The following STXBP5L variants were observed in gnomAD, a reference collection of about 807,000 sequenced individuals.
STXBP5L encodes the protein syntaxin binding protein 5L.
Under a neutral mutation model 144.5 loss-of-function variants are expected in STXBP5L, and 65 were observed. That is an observed-to-expected ratio of 0.45 (90% CI 0.37 to 0.55). The LOEUF (loss-of-function observed/expected upper bound fraction) is 0.55. Among genes scored for constraint, STXBP5L ranks in the 20% least tolerant of loss-of-function variants. The probability of loss-of-function intolerance (pLI) is 0.00; values close to 1 mark genes in which losing one functional copy is unlikely to be tolerated. For synonymous variants in STXBP5L, 505 were observed against 469.6 expected, an observed-to-expected ratio of 1.08 and a Z score of -0.97; for missense variants, 1,298 against 1,405.5, an observed-to-expected ratio of 0.92 and a Z score of 1.22.
At chr3:121,097,992 C>A (rs540339653) in intron 5 of STXBP5L, among the ~76,000 whole-genome samples, 1 of 151,922 alleles carries the variant, frequency 6.6e-6, no homozygotes. Context: ...CATTGTTAAA[C>A]AGTTTTTCAA....
chr3:121,279,561 A>G (rs3821366), intron 18 of STXBP5L, among the ~76,000 whole-genome samples: 15,074 of 151,844 alleles, frequency 0.099, 1,180 homozygotes, highest in Admixed American at 0.2. Context: ...CACGACTTAC[A>G]TGATAAAACT....
At chr3:121,038,776 T>C (rs1430246373) in intron 3 of STXBP5L, among the ~76,000 whole-genome samples, 1 of 151,894 alleles carries the variant, frequency 6.6e-6, no homozygotes, top group Non-Finnish European at 1.5e-5. Flanking sequence ...GCTCTGTAAT[T>C]AGGTGTATAA....
chr3:121,189,837 CA>C (rs1213601269), intron 9 of STXBP5L, among the ~76,000 whole-genome samples: 1 of 151,776 alleles, frequency 6.6e-6, no homozygotes, highest in Non-Finnish European at 1.5e-5. Flanking sequence ...ATAAAATGAC[CA>C]ACTTAAAATA....
chr3:121,321,101 C>T (rs986856601), intron 20 of STXBP5L, among the ~76,000 whole-genome samples: 1 of 152,146 alleles, frequency 6.6e-6, no homozygotes, highest in African/African-American at 2.4e-5. Flanking sequence ...TATTATGTTA[C>T]TTGAGGCAGA....
chr3:120,978,861 T>G (rs1941405529), intron 3 of STXBP5L, among the ~76,000 whole-genome samples: 1 of 152,166 alleles, frequency 6.6e-6, no homozygotes, highest in Admixed American at 6.5e-5. Context: ...GAACAGCAGA[T>G]TTTCGTGAAC....
At chr3:120,964,469 G>T (rs897548700) in intron 3 of STXBP5L, among the ~76,000 whole-genome samples, 1 of 152,068 alleles carries the variant, frequency 6.6e-6, no homozygotes, top group Non-Finnish European at 1.5e-5. Flanking sequence ...CTGGTATGTT[G>T]TGTCTTTGTT....
At chr3:121,004,638 A>T (rs1311733101) in intron 3 of STXBP5L, among the ~76,000 whole-genome samples, 2 of 152,098 alleles carry the variant, frequency 1.3e-5, no homozygotes, top group Non-Finnish European at 2.9e-5. Context: ...CAGTTTTCAA[A>T]GGGAATGCTT....
intron 14 of STXBP5L, among the ~76,000 whole-genome samples, chr3:121,241,343 TC>T (rs1387215667): frequency 6.6e-6 from 1 of 150,772 alleles, no homozygotes; most frequent in African/African-American, 2.5e-5. Flanking sequence ...GAAAATAATC[TC>T]TCTACTTAGG....
intron 4 of STXBP5L, 47 bp from the exon 5 acceptor site, chr3:121,045,388 C>A: frequency 6.5e-7 from 1 of 1,527,282 alleles, no homozygotes; most frequent in Non-Finnish European, 8.9e-7. Context: ...TAAAAAAACC[C>A]TAAATTAAGT....
chr3:120,968,622 T>A lies in STXBP5L; in HGVS notation c.287+13585T>A, dbSNP rs183603851. Among the ~76,000 whole-genome samples, 388 of 152,254 alleles carry A rather than the reference T, an allele frequency of 2.5e-3. 4 individuals are homozygous for A. Among genetic ancestry groups the A allele is most frequent in the African/African-American group, 8.7e-3 (362 of 41,568 alleles). On this transcript the variant is annotated intron_variant, in intron 3 of 26. Coordinates refer to ENST00000471454, the MANE Select transcript of STXBP5L (RefSeq NM_001308330.2). ...GGGGTACAGATTGTTTCTGGTTACA[T>A]AGATAAGTTTTTTAGTGGTGATTTC...
At chr3:121,345,202 C>A (rs1447357381) in intron 20 of STXBP5L, among the ~76,000 whole-genome samples, 1 of 151,944 alleles carries the variant, frequency 6.6e-6, no homozygotes, top group Non-Finnish European at 1.5e-5. Flanking sequence ...ATGTTCCTCA[C>A]CCTGTATCCA....
At chr3:121,289,351 A>G (rs760964694) in intron 19 of STXBP5L, among the ~76,000 whole-genome samples, 6 of 152,120 alleles carry the variant, frequency 3.9e-5, no homozygotes, top group Non-Finnish European at 8.8e-5. Context: ...GGGAAAATAT[A>G]ACAATTCTAG....
intron 5 of STXBP5L, among the ~76,000 whole-genome samples, chr3:121,101,271 C>G (rs1365389249): frequency 2.0e-5 from 3 of 152,016 alleles, no homozygotes; most frequent in East Asian, 3.9e-4. Context: ...ATACCAAAAC[C>G]TGGCAAAGAC....
chr3:121,404,944 C>A (rs2046962563), intron 22 of STXBP5L, among the ~76,000 whole-genome samples: 1 of 152,074 alleles, frequency 6.6e-6, no homozygotes, highest in South Asian at 2.1e-4. Flanking sequence ...GTTCAAGGTG[C>A]CAGCAGGGCA....
At chr3:121,305,270 C>A (rs1185229435) in intron 19 of STXBP5L, among the ~76,000 whole-genome samples, 1 of 152,102 alleles carries the variant, frequency 6.6e-6, no homozygotes, top group East Asian at 1.9e-4. Flanking sequence ...TATGCAAATT[C>A]TTCCAGGAAA....
chr3:121,346,148 C>T (rs948997592), intron 20 of STXBP5L, among the ~76,000 whole-genome samples: 11 of 148,508 alleles, frequency 7.4e-5, no homozygotes, highest in African/African-American at 2.5e-4. Context: ...TGTTTCCCTT[C>T]CTGTGTCCAT....
chr3:121,414,102 A>G (rs1168629307), intron 24 of STXBP5L, among the ~76,000 whole-genome samples: 1 of 152,066 alleles, frequency 6.6e-6, no homozygotes, highest in African/African-American at 2.4e-5. Flanking sequence ...TTTTTTAAAT[A>G]AATAATAATA....
chr3:120,929,970 A>G (rs930934652), intron 2 of STXBP5L, among the ~76,000 whole-genome samples: 3 of 151,444 alleles, frequency 2.0e-5, no homozygotes, highest in African/African-American at 4.8e-5. Context: ...ATACATTTTA[A>G]TATATTAAAT....
chr3:120,985,244 C>T (rs1485203444), intron 3 of STXBP5L, among the ~76,000 whole-genome samples: 4 of 151,786 alleles, frequency 2.6e-5, no homozygotes, highest in South Asian at 2.1e-4. Context: ...GGTTTTAATC[C>T]TTCTTTAAAT....
Sources: allele counts gnomAD v4.1 joint callset (sites outside exome capture counted in the v4.1 genomes callset), GRCh38; gene constraint gnomAD v4.1.1; transcripts MANE v1.5; gene names NCBI Gene and HGNC (gene_info 2026-07-23, HGNC 2026-07-21).